The following POU6F2 variants were observed in gnomAD, a reference collection of about 807,000 sequenced individuals.
POU6F2 encodes POU domain, class 6, transcription factor 2.
Under a neutral mutation model 71.3 loss-of-function variants are expected in POU6F2, and 31 were observed. The observed-to-expected ratio is 0.43, with a 90% CI of 0.33 to 0.59. The LOEUF is 0.59. Ranked by LOEUF, POU6F2 falls within the 20% of genes least tolerant of loss-of-function variation. The pLI, the probability that POU6F2 is intolerant of heterozygous loss-of-function variation, is 0.04. For missense variants in POU6F2, 783 were observed against 856.8 expected (o/e 0.91, Z 1.07); for synonymous variants, 347 against 355.7 (o/e 0.98, Z 0.27).
At chr7:38,998,816 ATTTTT>A (rs757703122) in intron 1 of POU6F2, among the ~76,000 whole-genome samples, 1,324 of 116,546 alleles carry the variant, frequency 0.011, 20 homozygotes, top group African/African-American at 0.041. Flanking sequence ...CACCCGGCTA[ATTTTT>A]TTTTTTTTTT....
At chr7:39,371,511 C>T (rs17619480) in intron 5 of POU6F2, among the ~76,000 whole-genome samples, 6,798 of 152,136 alleles carry the variant, frequency 0.045, 207 homozygotes, top group African/African-American at 0.079. Context: ...TCTGGGGGCT[C>T]GGAGCACTAA....
chr7:39,441,789 G>T (rs1788412380), intron 7 of POU6F2, among the ~76,000 whole-genome samples: 1 of 152,114 alleles, frequency 6.6e-6, no homozygotes, highest in African/African-American at 2.4e-5. Flanking sequence ...GTAAGAGGTG[G>T]GCAAGGCTAA....
intron 1 of POU6F2, among the ~76,000 whole-genome samples, chr7:39,043,781 T>A (rs1272686095): frequency 6.6e-6 from 1 of 151,984 alleles, no homozygotes; most frequent in East Asian, 1.9e-4. Flanking sequence ...GACTTGGTTT[T>A]AGCATACTTA....
intron 2 of POU6F2, among the ~76,000 whole-genome samples, chr7:39,113,958 C>T (rs926543519): frequency 6.6e-6 from 1 of 152,116 alleles, no homozygotes; most frequent in South Asian, 2.1e-4. Context: ...CCATAGCATA[C>T]TTTTTTAATA....
chr7:39,173,563 C>A (rs139469082), intron 2 of POU6F2, among the ~76,000 whole-genome samples: 40 of 152,292 alleles, frequency 2.6e-4, no homozygotes, highest in African/African-American at 8.4e-4. Flanking sequence ...TATCATCTTC[C>A]CCTTTCATCT....
chr7:39,210,687 G>A (rs995017051), intron 4 of POU6F2, among the ~76,000 whole-genome samples: 1 of 152,014 alleles, frequency 6.6e-6, no homozygotes, highest in African/African-American at 2.4e-5. Flanking sequence ...CCAGACCAGC[G>A]GCATCAATGT....
chr7:39,309,713 G>A (rs933430334), intron 4 of POU6F2, among the ~76,000 whole-genome samples: 1 of 152,168 alleles, frequency 6.6e-6, no homozygotes, highest in Admixed American at 6.5e-5. Flanking sequence ...CTGTACAATG[G>A]AGGCTTTTAT....
chr7:39,353,046 C>CA (rs1412874962), intron 5 of POU6F2, among the ~76,000 whole-genome samples: 1 of 152,214 alleles, frequency 6.6e-6, no homozygotes, highest in African/African-American at 2.4e-5. Flanking sequence ...GAAATGTCTT[C>CA]AAAAACACCT....
At chr7:39,213,412 G>C (rs1489400360) in intron 4 of POU6F2, among the ~76,000 whole-genome samples, 1 of 152,204 alleles carries the variant, frequency 6.6e-6, no homozygotes, top group Non-Finnish European at 1.5e-5. Context: ...TGTTTTCACT[G>C]AGGTATCCTT....
intron 2 of POU6F2, among the ~76,000 whole-genome samples, chr7:39,197,655 G>A (rs950024466): frequency 6.6e-6 from 1 of 152,210 alleles, no homozygotes; most frequent in Non-Finnish European, 1.5e-5. Context: ...GAGCAAGTGT[G>A]CATTTCCTGG....
intron 6 of POU6F2, among the ~76,000 whole-genome samples, chr7:39,423,043 A>G (rs972089805): frequency 3.5e-4 from 54 of 152,322 alleles, no homozygotes; most frequent in African/African-American, 1.2e-3. Context: ...AGACATTTCA[A>G]TCCACAGAAT....
chr7:39,111,562 T>C (rs1791814627), intron 2 of POU6F2, among the ~76,000 whole-genome samples: 1 of 152,216 alleles, frequency 6.6e-6, no homozygotes, highest in African/African-American at 2.4e-5. Context: ...AATTTTCATA[T>C]TTTATAGCTG....
intron 1 of POU6F2, among the ~76,000 whole-genome samples, chr7:39,043,850 T>G (rs1461767707): frequency 1.3e-5 from 2 of 151,974 alleles, no homozygotes; most frequent in East Asian, 3.9e-4. Flanking sequence ...TCTTGATCCA[T>G]TCTGCCCCCT....
chr7:39,286,821 G>A (rs1312857288), intron 4 of POU6F2, among the ~76,000 whole-genome samples: 1 of 152,044 alleles, frequency 6.6e-6, no homozygotes, highest in Non-Finnish European at 1.5e-5. Flanking sequence ...GGAGTACAGT[G>A]GTATGATCCT....
chr7:39,205,685 AGGGAAG>A (rs1793996827), intron 3 of POU6F2, among the ~76,000 whole-genome samples: 1 of 152,210 alleles, frequency 6.6e-6, no homozygotes, highest in Admixed American at 6.5e-5. Flanking sequence ...TTTTTTAAAA[AGGGAAG>A]CACAGTTACT....
At chr7:39,385,345 G>C (rs1786914796) in intron 5 of POU6F2, among the ~76,000 whole-genome samples, 2 of 152,182 alleles carry the variant, frequency 1.3e-5, no homozygotes, top group South Asian at 4.1e-4. Context: ...ACAAGGCATT[G>C]CGTTCAGCAC....
At chr7:39,311,108 TCTC>T (rs1471759359) in intron 4 of POU6F2, among the ~76,000 whole-genome samples, 3 of 151,746 alleles carry the variant, frequency 2.0e-5, no homozygotes, top group Non-Finnish European at 4.4e-5. Flanking sequence ...CAAGTGGCTG[TCTC>T]CTCCTCCTCA....
chr7:39,308,192 T>A (rs1785083190), intron 4 of POU6F2, among the ~76,000 whole-genome samples: 1 of 152,174 alleles, frequency 6.6e-6, no homozygotes, highest in South Asian at 2.1e-4. Context: ...TAAAGACATC[T>A]CAGTCTTGAC....
rs115696093 is a variant in POU6F2, at chr7:39,389,156, G to A, written c.973-17444G>A. Reference sequence around the variant, plus strand: ...TTTCAGAAATATACAGCAAGCCCCCGTGCCATTTTACTTTTCTAAACACAT... The same window carrying A: ...TTTCAGAAATATACAGCAAGCCCCCATGCCATTTTACTTTTCTAAACACAT... On this transcript the variant is annotated intron_variant, in intron 5 of 9. Coordinates refer to ENST00000518318, the MANE Select transcript of POU6F2 (RefSeq NM_001370959.1). 6.2e-3 allele frequency among the ~76,000 whole-genome samples: 947 copies of A among 152,240 alleles called. 2 individuals carry two copies. The highest frequency in any genetic ancestry group is 0.021 in the African/African-American group (869 of 41,554).
Sources: allele counts gnomAD v4.1 joint callset (sites outside exome capture counted in the v4.1 genomes callset), GRCh38; gene constraint gnomAD v4.1.1; transcripts MANE v1.5; gene names NCBI Gene and HGNC (gene_info 2026-07-23, HGNC 2026-07-21).